The following SIRPA variants were observed in gnomAD, a reference collection of about 807,000 sequenced individuals.
SIRPA encodes signal regulatory protein alpha, also known as tyrosine-protein phosphatase non-receptor type substrate 1.
A neutral mutation model predicts 50.3 loss-of-function variants in SIRPA; 9 were observed. The ratio of observed to expected loss-of-function variants is 0.18; its 90% CI spans 0.11 to 0.31. The LOEUF (loss-of-function observed/expected upper bound fraction) is 0.31. SIRPA is among the 10% of genes least tolerant of loss of function. The probability of loss-of-function intolerance (pLI) is 1.00; values close to 1 mark genes in which losing one functional copy is unlikely to be tolerated. For missense variants in SIRPA, 474 were observed against 661.6 expected (o/e 0.72, Z 3.11); for synonymous variants, 265 against 284.1 (o/e 0.93, Z 0.68).
chr20:1,894,259 C>G (rs962184853), upstream of SIRPA: 1 of 149,112 alleles, frequency 6.7e-6, no homozygotes, highest in Admixed American at 6.7e-5. The surrounding 1 kb of genome is among the most constrained non-coding windows in gnomAD (Gnocchi z 4.0). Flanking sequence ...CGCCCCCCCG[C>G]CCCCCGCGCC....
At chr20:1,913,311 C>T (rs1985015301) in intron 1 of SIRPA, among the ~76,000 whole-genome samples, 2 of 152,196 alleles carry the variant, frequency 1.3e-5, no homozygotes, top group South Asian at 4.1e-4. Context: ...GAGAAAGAGG[C>T]AGGACAATGG....
rs1998060 is a variant in SIRPA, at chr20:1,898,667, T to A, written c.79+3141T>A. 0.03 allele frequency among the ~76,000 whole-genome samples: 4,552 copies of A among 152,076 alleles called. 253 individuals carry two copies. Among genetic ancestry groups the A allele is most frequent in the African/African-American group, 0.1 (4,314 of 41,444 alleles). ...GCTTCTAGGGAAGAAGCTCAATGAC[T>A]TAATCAGGATGATTTAGTCCAAGCT... On this transcript the variant is annotated intron_variant, in intron 1 of 7. Coordinates refer to ENST00000358771, the MANE Select transcript of SIRPA (RefSeq NM_001040023.2). The surrounding 1 kb of genome is among the most constrained non-coding windows in gnomAD (Gnocchi z 4.3).
In SIRPA at chr20:1,933,647, C is replaced by T. The variant is rs1338524167; in HGVS notation, c.1227-1068C>T. 6.6e-6 allele frequency among the ~76,000 whole-genome samples: 1 copy of T among 152,198 alleles called. No homozygotes were observed. The highest frequency in any genetic ancestry group is 1.5e-5 in the Non-Finnish European group (1 of 68,036). ...GGGTTCTTTCTGTGGCCACGTGGGGCTTGTCATGTCTCAGAACTGCTTTCA... is the reference window on the plus strand; with the variant it reads ...GGGTTCTTTCTGTGGCCACGTGGGGTTTGTCATGTCTCAGAACTGCTTTCA... On this transcript the variant is annotated intron_variant, in intron 6 of 7. Coordinates refer to ENST00000358771, the MANE Select transcript of SIRPA (RefSeq NM_001040023.2). The surrounding 1 kb of genome is among the most constrained non-coding windows in gnomAD (Gnocchi z 4.4).
At chr20:1,905,418 C>T (rs1984486725) in intron 1 of SIRPA, among the ~76,000 whole-genome samples, 1 of 152,158 alleles carries the variant, frequency 6.6e-6, no homozygotes, top group South Asian at 2.1e-4. Flanking sequence ...TAGGAGGGGA[C>T]AGTGACAATA....
chr20:1,921,745 C>G (rs577242322), intron 3 of SIRPA, 33 bp downstream of exon 3: 1 of 1,613,988 alleles, frequency 6.2e-7, no homozygotes, highest in African/African-American at 1.3e-5. Context: ...AAGCCCACAC[C>G]TGACCGCCAA....
At position 1,928,007 on chromosome 20, in the gene SIRPA, G is replaced by A; in HGVS notation, c.1226+108G>A. On this transcript the variant is annotated intron_variant, in intron 6 of 7. Transcript: ENST00000358771. This position sits in a 1 kb window ranked among gnomAD's most constrained non-coding sequence, Gnocchi z 4.9. ...GTCCACTGACCTCACCAATGTGTTG[G>A]TCAACATGTCTCTTTCTCTCCTTTG... is the stretch of plus-strand genomic sequence containing the variant. 1.1e-6 allele frequency: 1 copy of A among 907,726 alleles called. No individual in the cohort carries two copies. The highest frequency in any genetic ancestry group is 1.3e-5 in the South Asian group (1 of 75,912). 56.2% of individuals were successfully genotyped at this position (907,726 alleles called of 1,614,324 possible). A position where few individuals can be genotyped will look rare whatever the true frequency, so the allele number is the denominator to read the frequency against.
At chr20:1,900,103 CTTTTTT>C (rs11481009) in intron 1 of SIRPA, among the ~76,000 whole-genome samples, 4 of 127,192 alleles carry the variant, frequency 3.1e-5, no homozygotes, top group African/African-American at 1.2e-4. Context: ...TTTTTTTTTT[CTTTTTT>C]TTTTTTTTGA....
chr20:1,895,178 C>T, upstream of SIRPA: 1 of 346,562 alleles, frequency 2.9e-6, no homozygotes, highest in East Asian at 5.0e-5. Context: ...CTCCTGCCGC[C>T]TCTCTCTGGC....
At chr20:1,903,011 C>CAAAAAAAAAA (rs58735842) in intron 1 of SIRPA, among the ~76,000 whole-genome samples, 12 of 90,852 alleles carry the variant, frequency 1.3e-4, no homozygotes, top group Admixed American at 4.6e-4. Flanking sequence ...GACTCTGTCT[C>CAAAAAAAAAA]AAAAAAAAAA....
At chr20:1,923,901 A>T (rs1985813536) in intron 4 of SIRPA, among the ~76,000 whole-genome samples, 1 of 152,184 alleles carries the variant, frequency 6.6e-6, no homozygotes, top group East Asian at 1.9e-4. Flanking sequence ...TCAGCATTGT[A>T]GCTTCAGGGC....
At chr20:1,904,884 A>G (rs900561840) in intron 1 of SIRPA, among the ~76,000 whole-genome samples, 1 of 152,034 alleles carries the variant, frequency 6.6e-6, no homozygotes, top group Non-Finnish European at 1.5e-5. Context: ...AGGAGAGGCC[A>G]TGGAGGGGCT....
intron 1 of SIRPA, among the ~76,000 whole-genome samples, chr20:1,911,721 G>T (rs1457281076): frequency 6.6e-6 from 1 of 152,132 alleles, no homozygotes; most frequent in African/African-American, 2.4e-5. Flanking sequence ...CCGAAAAGAT[G>T]TTCCAATTTC....
intron 1 of SIRPA, among the ~76,000 whole-genome samples, chr20:1,911,868 C>T (rs1984903800): frequency 6.6e-6 from 1 of 151,510 alleles, no homozygotes; most frequent in Non-Finnish European, 1.5e-5. Context: ...CAAGTGACCC[C>T]AGACCCAGAG....
Position 1,921,479 on chromosome 20 carries a change from G to A in SIRPA, c.521G>A (p.Gly174Asp). Residue 174 changes from glycine to aspartate, a missense_variant, in exon 3 of 8, where the codon GGC (glycine) becomes GAC (aspartate). This residue lies in a region of SIRPA where 221 missense variants were observed against 359.9 expected (regional missense o/e 0.61). Coordinates refer to ENST00000358771, the MANE Select transcript of SIRPA (RefSeq NM_001040023.2). Reference protein sequence around the residue: ...HTVSFTCESHGFSPRDITLKW... With the variant: ...HTVSFTCESHDFSPRDITLKW... ...GTGAGCTTCACCTGCGAGTCCCACG[G>A]CTTCTCACCCAGAGACATCACCCTG... 1 of 1,613,980 alleles carries A rather than the reference G, an allele frequency of 6.2e-7. No homozygotes were observed. The highest frequency in any genetic ancestry group is 8.5e-7 in the Non-Finnish European group (1 of 1,179,890).
At chr20:1,921,004 C>T (rs1404457809) in intron 2 of SIRPA, among the ~76,000 whole-genome samples, 1 of 152,222 alleles carries the variant, frequency 6.6e-6, no homozygotes, top group African/African-American at 2.4e-5. Context: ...CCTGCACTGA[C>T]CTCTATAAAC....
At chr20:1,907,216 G>A (rs138221413) in intron 1 of SIRPA, among the ~76,000 whole-genome samples, 5 of 152,292 alleles carry the variant, frequency 3.3e-5, no homozygotes, top group Non-Finnish European at 4.4e-5. Context: ...GAGCCCCTGG[G>A]CCAGCTGTCA....
chr20:1,924,946 G>T lies in SIRPA; in HGVS notation c.1201+69G>T. The T allele has an allele frequency of 8.0e-7, 1 of 1,247,240 alleles. No homozygotes were observed. The highest frequency in any genetic ancestry group is 1.5e-5 in the African/African-American group (1 of 67,792). 77.3% of individuals were successfully genotyped at this position (1,247,240 alleles called of 1,614,324 possible). On this transcript the variant is annotated intron_variant, in intron 5 of 7. Coordinates refer to ENST00000358771, the MANE Select transcript of SIRPA (RefSeq NM_001040023.2). This position sits in a 1 kb window ranked among gnomAD's most constrained non-coding sequence, Gnocchi z 4.5. ...CTGTCCTCGGAGGGAGACGCCATTA[G>T]GTGCTTTGGGTTAAGGACATCAGCT... is the stretch of plus-strand genomic sequence containing the variant.
At chr20:1,916,264 C>G (rs928454098) in intron 2 of SIRPA, among the ~76,000 whole-genome samples, 1 of 152,128 alleles carries the variant, frequency 6.6e-6, no homozygotes, top group Non-Finnish European at 1.5e-5. Flanking sequence ...GTTCTAACTC[C>G]GAATCCTGGG....
rs1381564470 is a variant in SIRPA at position 1,927,602 on chromosome 20, G to A, written c.1202-273G>A. On this transcript the variant is annotated intron_variant, in intron 5 of 7. Transcript: ENST00000358771. This position sits in a 1 kb window ranked among gnomAD's most constrained non-coding sequence, Gnocchi z 6.5. The stretch of plus-strand genomic sequence containing the variant: ...GAGGTGAGACCCAGACAGAGGTAGG[G>A]CGGTTGTCGCCTCCCAGGCTGAAGG... 6.6e-6 allele frequency among the ~76,000 whole-genome samples: 1 copy of A among 152,212 alleles called. No individual in the cohort carries two copies. Among genetic ancestry groups the A allele is most frequent in the Non-Finnish European group, 1.5e-5 (1 of 68,040 alleles).
Sources: gnomAD v4.1 joint callset for allele counts (sites outside exome capture counted in the v4.1 genomes callset) on GRCh38, gnomAD v4.1.1 for gene constraint, gnomAD v4.1.1 regional missense constraint, Gnocchi (gnomAD v3.1) non-coding constraint, MANE v1.5 for transcripts, NCBI Gene and HGNC (gene_info 2026-07-23, HGNC 2026-07-21) for gene names.